The following RBM15 variants were observed in gnomAD, a reference collection of about 807,000 sequenced individuals.
The protein encoded by RBM15 is RNA binding motif protein 15.
Under a neutral mutation model 62.6 loss-of-function variants are expected in RBM15, and 8 were observed. The ratio of observed to expected loss-of-function variants is 0.13; its 90% CI spans 0.07 to 0.23. The LOEUF (loss-of-function observed/expected upper bound fraction) is 0.23, where lower values mean the gene tolerates loss of function less well. Ranked by LOEUF, RBM15 falls within the 10% of genes least tolerant of loss-of-function variation. The pLI is 1.00. For missense variants in RBM15, 1,144 were observed against 1,286.5 expected (o/e 0.89, Z 1.69); for synonymous variants, 606 against 505.7 (o/e 1.20, Z -2.66).
rs1660718019 is a variant in RBM15, at chr1:110,339,458, G to A, written c.53G>A (p.Arg18His). Residue 18 changes from arginine to histidine, a missense_variant, in exon 1 of 3, where the codon CGT (arginine) becomes CAT (histidine). Arg to His is a conservative substitution (Grantham distance 29, BLOSUM62 0). Coordinates refer to ENST00000369784, the MANE Select transcript of RBM15 (RefSeq NM_022768.5). ...CCGCGGCGGAGTCCAAGATGGCGGC[G>A]TGCGGTTCCGCTGTGTGAAACGAGC... is the stretch of plus-strand genomic sequence containing the variant. ...PVPRRSPRWRRAVPLCETSAG... is the reference protein window; with the variant it reads ...PVPRRSPRWRHAVPLCETSAG... 3 of 1,546,646 alleles carry A rather than the reference G, an allele frequency of 1.9e-6. No individual in the cohort carries two copies. Among genetic ancestry groups the A allele is most frequent in the African/African-American group, 1.4e-5 (1 of 73,154 alleles).
Position 110,341,098 on chromosome 1 carries a change from C to T in RBM15, c.1693C>T (p.Arg565Trp). ...HRAPDPLRGA[R>W]DRTPPLLYRD... Reference sequence around the variant, plus strand: ...GGCACCAGACCCTTTGAGGGGTGCTCGGGATAGGACACCACCCTTACTATA... The same window carrying T: ...GGCACCAGACCCTTTGAGGGGTGCTTGGGATAGGACACCACCCTTACTATA... Residue 565 changes from arginine to tryptophan, a missense_variant, in exon 1 of 3, where the codon CGG (arginine) becomes TGG (tryptophan). By Grantham distance (101) the Arg-to-Trp change is moderately radical. This residue lies in a region of RBM15 where 360 missense variants were observed against 342.9 expected (regional missense o/e 1.05). Transcript: ENST00000369784. The surrounding 1 kb of genome is among the most constrained non-coding windows in gnomAD (Gnocchi z 4.5). 1 of 1,614,096 alleles carries T rather than the reference C, an allele frequency of 6.2e-7. No homozygotes were observed. The highest frequency in any genetic ancestry group is 8.5e-7 in the Non-Finnish European group (1 of 1,180,026).
intron 2 of RBM15, 90 bp downstream of exon 2, chr1:110,345,739 G>A: frequency 1.3e-6 from 1 of 772,834 alleles, no homozygotes; most frequent in Non-Finnish European, 2.1e-6. Flanking sequence ...AGTGTTCTTT[G>A]GCTGTTTAAC....
At chr1:110,345,732 GTTC>G in intron 2 of RBM15, 83 bp downstream of exon 2, 1 of 801,368 alleles carries the variant, frequency 1.2e-6, no homozygotes, top group East Asian at 2.7e-5. Flanking sequence ...TTCCTGAAGT[GTTC>G]TTTGGCTGTT....
At position 110,339,790 on chromosome 1, in the gene RBM15, C is replaced by T. The variant is rs767261334; in HGVS notation, c.385C>T (p.Pro129Ser). 3.7e-6 allele frequency: 6 copies of T among 1,603,264 alleles called. No homozygotes were observed. The highest frequency in any genetic ancestry group is 5.1e-6 in the Non-Finnish European group (6 of 1,172,022). The stretch of plus-strand genomic sequence containing the variant: ...TAGCCGCTTGCATAGTTATAGCTCC[C>T]CGAGCACCAAAAATTCTTCGGGCGG... ...SSSRLHSYSS[P>S]STKNSSGGGE... Residue 129 changes from proline (P) to serine (S), a missense_variant, in exon 1 of 3, where the codon CCG becomes TCG. By Grantham distance (74) the Pro-to-Ser change is moderately conservative. Around this residue, in one of 8 missense-constraint regions of RBM15, gnomAD observed 298 missense variants for 250.0 expected, o/e 1.19. Transcript: ENST00000369784.
In RBM15 at chr1:110,342,050, C is replaced by T. The variant is rs749686792; in HGVS notation, c.2645C>T (p.Thr882Ile). The T allele has an allele frequency of 9.9e-5, 159 of 1,614,140 alleles. No homozygotes were observed. Among genetic ancestry groups the T allele is most frequent in the Non-Finnish European group, 1.3e-4 (159 of 1,180,056 alleles). Residue 882 changes from threonine (T) to isoleucine (I), a missense_variant, in exon 1 of 3, where the codon ACT becomes ATT. This residue lies in a region of RBM15 where 144 missense variants were observed against 223.3 expected (regional missense o/e 0.64). Transcript: ENST00000369784. ...TCCTCAGCTGCATCAGACACTGCCA[C>T]TTCTACTCAGAGGCCACTTAGGAAC... Reference protein sequence around the residue: ...SSSSAASDTATSTQRPLRNLV... With the variant: ...SSSSAASDTAISTQRPLRNLV...
Position 110,339,499 on chromosome 1 carries a change from A to C in RBM15, c.94A>C (p.Thr32Pro). Residue 32 changes from threonine to proline, a missense_variant, in exon 1 of 3, where the codon ACT becomes CCT. Physicochemically the swap from Thr to Pro is conservative, Grantham distance 38. Around this residue, in one of 8 missense-constraint regions of RBM15, gnomAD observed 298 missense variants for 250.0 expected, o/e 1.19. Coordinates refer to ENST00000369784, the MANE Select transcript of RBM15 (RefSeq NM_022768.5). The part of the protein sequence containing the change: ...LCETSAGRRV[T>P]QLRGDDLRRP... ...TGAAACGAGCGCGGGGCGGCGGGTT[A>C]CTCAGCTCCGCGGAGACGACCTCCG... 1 of 1,592,088 alleles carries C rather than the reference A, an allele frequency of 6.3e-7. No homozygotes were observed. The highest frequency in any genetic ancestry group is 8.6e-7 in the Non-Finnish European group (1 of 1,166,380).
At position 110,339,667 on chromosome 1, in the gene RBM15, A is replaced by G. The variant is rs764367116; in HGVS notation, c.262A>G (p.Thr88Ala). 6.2e-7 allele frequency: 1 copy of G among 1,613,166 alleles called. No homozygotes were observed. Among genetic ancestry groups the G allele is most frequent in the Non-Finnish European group, 8.5e-7 (1 of 1,179,974 alleles). The change falls in exon 1 of 3, where the codon ACC becomes GCC. Residue 88 changes from threonine (T) to alanine (A), a missense_variant. Transcript: ENST00000369784. ...GGSNGSSSGK[T>A]DSGGGSRRSL... ...CAGCAATGGGAGCAGCAGCGGAAAG[A>G]CCGATAGCGGCGGTGGGTCGCGGCG...
At chr1:110,346,199 A>T (rs999082933) in intron 2 of RBM15, 109 bp from the exon 3 acceptor site, 2 of 1,103,360 alleles carry the variant, frequency 1.8e-6, no homozygotes, top group African/African-American at 3.2e-5. Flanking sequence ...ACCATCCAGG[A>T]AGGTCTTGTT....
chr1:110,340,992 C>G lies in RBM15; in HGVS notation c.1587C>G (p.Thr529=), dbSNP rs759654956. The G allele has an allele frequency of 5.0e-6, 8 of 1,614,068 alleles. No individual in the cohort carries two copies. The East Asian group carries it at 1.8e-4, about 36-fold the overall frequency. ...GCCTTAGAGTAGACTTTGCCGACAC[C>G]GAACATCGTTACCAGCAGCAGTATC... ...DRRLRVDFAD[T]EHRYQQQYLQ... The change falls in exon 1 of 3, where the codon ACC becomes ACG. Residue 529 remains threonine (T), a synonymous_variant. Transcript: ENST00000369784. This position sits in a 1 kb window ranked among gnomAD's most constrained non-coding sequence, Gnocchi z 5.8.
chr1:110,339,653 G>A lies in RBM15; in HGVS notation c.248G>A (p.Ser83Asn), dbSNP rs1570610151. 6.2e-7 allele frequency: 1 copy of A among 1,613,444 alleles called. No individual in the cohort carries two copies. Among genetic ancestry groups the A allele is most frequent in the Middle Eastern group, 1.6e-4 (1 of 6,062 alleles). The change falls in exon 1 of 3, where the codon AGC (serine) becomes AAC (asparagine). Residue 83 changes from serine to asparagine, a missense_variant. Ser to Asn is a conservative substitution (Grantham distance 46, BLOSUM62 1). Coordinates refer to ENST00000369784, the MANE Select transcript of RBM15 (RefSeq NM_022768.5). ...KLGGSGGSNG[S>N]SSGKTDSGGG... ...GGGGGCTCTGGTGGCAGCAATGGGA[G>A]CAGCAGCGGAAAGACCGATAGCGGC...
In RBM15 at chr1:110,345,497, G is replaced by A. The variant is rs571373128; in HGVS notation, c.2864-42G>A. 20 of 1,404,594 alleles carry A rather than the reference G, an allele frequency of 1.4e-5. No individual in the cohort carries two copies. The East Asian group carries it at 2.5e-4, about 18-fold the overall frequency. 87.0% of individuals were successfully genotyped at this position (1,404,594 alleles called of 1,614,324 possible). On this transcript the variant is annotated intron_variant, in intron 1 of 2. Coordinates refer to ENST00000369784, the MANE Select transcript of RBM15 (RefSeq NM_022768.5). ...TGACCTTTTATGTGAAAAAAATTTT[G>A]GAGAGAATTTCTGGACATTTTTTTT...
At chr1:110,343,312 TTTGC>T (rs1660838486) in intron 1 of RBM15, among the ~76,000 whole-genome samples, 1 of 152,172 alleles carries the variant, frequency 6.6e-6, no homozygotes, top group South Asian at 2.1e-4. Flanking sequence ...CTTTTAAAAT[TTTGC>T]TTGTCTTTTT....
rs377259804 is a variant in RBM15, at chr1:110,341,719, G to A, written c.2314G>A (p.Gly772Arg). Residue 772 changes from glycine to arginine, a missense_variant, in exon 1 of 3, where the codon GGG becomes AGG. Transcript: ENST00000369784. The surrounding 1 kb of genome is among the most constrained non-coding windows in gnomAD (Gnocchi z 4.5). ...KLKSPSQKQDGGTAPVASASP... is the reference protein window; with the variant it reads ...KLKSPSQKQDRGTAPVASASP... ...GAAGTCCCCGTCCCAGAAACAGGAT[G>A]GGGGGACAGCCCCTGTGGCATCAGC... 4.3e-6 allele frequency: 7 copies of A among 1,614,028 alleles called. No homozygotes were observed. The highest frequency in any genetic ancestry group is 3.3e-5 in the Admixed American group (2 of 60,012).
At position 110,340,140 on chromosome 1, in the gene RBM15, G is replaced by A. The variant is rs375187478; in HGVS notation, c.735G>A (p.Leu245=). The A allele has an allele frequency of 6.2e-7, 1 of 1,613,868 alleles. No homozygotes were observed. Among genetic ancestry groups the A allele is most frequent in the Non-Finnish European group, 8.5e-7 (1 of 1,179,922 alleles). Residue 245 remains leucine, a synonymous_variant, in exon 1 of 3, where the codon CTG becomes CTA. Coordinates refer to ENST00000369784, the MANE Select transcript of RBM15 (RefSeq NM_022768.5). This position sits in a 1 kb window ranked among gnomAD's most constrained non-coding sequence, Gnocchi z 5.8. ...GCCTGGTGCTCTATGACCGGCCTCT[G>A]AAGATAGAAGCTGTGTATGTGAGCC... ...RGRLVLYDRP[L]KIEAVYVSRR... is the part of the protein sequence containing the mutation.
At chr1:110,344,600 G>A (rs74555564) in intron 1 of RBM15, among the ~76,000 whole-genome samples, 8,441 of 152,082 alleles carry the variant, frequency 0.056, 320 homozygotes, top group Non-Finnish European at 0.084. Flanking sequence ...TGTTTAGTTG[G>A]TCATTACCTA....
At position 110,340,053 on chromosome 1, in the gene RBM15, G is replaced by T. The variant is rs775211203; in HGVS notation, c.648G>T (p.Arg216=). Residue 216 remains arginine, a synonymous_variant, in exon 1 of 3, where the codon CGG becomes CGT. Transcript: ENST00000369784. The surrounding 1 kb of genome is among the most constrained non-coding windows in gnomAD (Gnocchi z 5.8). ...CGGGTTCTGGCAGCGGGGATGAGCG[G>T]GTAGCCTTTGTGAACTTCCGGCGGC... ...HLSGSGSGDE[R]VAFVNFRRPE... is the part of the protein sequence containing the mutation. 1 of 1,614,064 alleles carries T rather than the reference G, an allele frequency of 6.2e-7. No individual in the cohort carries two copies. Among genetic ancestry groups the T allele is most frequent in the Admixed American group, 1.7e-5 (1 of 60,024 alleles).
chr1:110,339,939 G>A lies in RBM15; in HGVS notation c.534G>A (p.Gly178=), dbSNP rs575575773. The change falls in exon 1 of 3, where the codon GGG becomes GGA. Residue 178 remains glycine, a synonymous_variant. Coordinates refer to ENST00000369784, the MANE Select transcript of RBM15 (RefSeq NM_022768.5). ...EYKTLKISEL[G]SQLSDEAVED... ...AGACTCTGAAGATAAGCGAGTTGGG[G>A]TCCCAGCTTAGTGACGAAGCGGTGG... 2.5e-6 allele frequency: 4 copies of A among 1,614,068 alleles called. No individual in the cohort carries two copies. The East Asian group carries it at 8.9e-5, about 36-fold the overall frequency.
rs556704244 is a variant in RBM15, at chr1:110,345,665, T to C, written c.*40+16T>C. ...ATGATTTCAGGTAACCACAGTGAAATGTTAAGCTGAATGAAGAGTTTTATA... is the reference window on the plus strand; with the variant it reads ...ATGATTTCAGGTAACCACAGTGAAACGTTAAGCTGAATGAAGAGTTTTATA... On this transcript the variant is annotated intron_variant, in intron 2 of 2. Coordinates refer to ENST00000369784, the MANE Select transcript of RBM15 (RefSeq NM_022768.5). The C allele has an allele frequency of 1.6e-4, 237 of 1,457,108 alleles. No homozygotes were observed. Among genetic ancestry groups the C allele is most frequent in the Admixed American group, 3.8e-4 (17 of 44,952 alleles). The allele number at this position is 1,457,108 out of a possible 1,614,324, so 90.3% of individuals were successfully genotyped here.
Position 110,340,143 on chromosome 1 carries a change from G to A in RBM15, c.738G>A (p.Lys246=), listed in dbSNP as rs1271874041. Residue 246 remains lysine (K), a synonymous_variant, in exon 1 of 3, where the codon AAG becomes AAA. Transcript: ENST00000369784. The surrounding 1 kb of genome is among the most constrained non-coding windows in gnomAD (Gnocchi z 5.8). The part of the protein sequence containing the change: ...GRLVLYDRPL[K]IEAVYVSRRR... Reference sequence around the variant, plus strand: ...TGGTGCTCTATGACCGGCCTCTGAAGATAGAAGCTGTGTATGTGAGCCGGC... The same window carrying A: ...TGGTGCTCTATGACCGGCCTCTGAAAATAGAAGCTGTGTATGTGAGCCGGC... The A allele has an allele frequency of 1.9e-6, 3 of 1,613,916 alleles. No homozygotes were observed. Among genetic ancestry groups the A allele is most frequent in the East Asian group, 2.2e-5 (1 of 44,880 alleles).
Sources: allele counts gnomAD v4.1 joint callset (sites outside exome capture counted in the v4.1 genomes callset), GRCh38; gene constraint gnomAD v4.1.1; regional missense constraint gnomAD v4.1.1; non-coding constraint Gnocchi (gnomAD v3.1); transcripts MANE v1.5; gene names NCBI Gene and HGNC (gene_info 2026-07-23, HGNC 2026-07-21).